FIBCD1: variants seen among roughly 807,000 people sequenced by gnomAD.
FIBCD1 encodes the protein fibrinogen C domain containing 1, also known as fibrinogen C domain-containing protein 1.
In FIBCD1, 47 loss-of-function variants were observed where a neutral mutation model predicts 45.1. The observed-to-expected ratio is 1.04, with a 90% confidence interval of 0.82 to 1.33. FIBCD1 has a LOEUF of 1.33. Among genes scored for constraint, FIBCD1 ranks in the 40% most tolerant of loss-of-function variants. The pLI, the probability that FIBCD1 is intolerant of heterozygous loss-of-function variation, is 0.00. For synonymous variants in FIBCD1, 313 were observed against 308.1 expected, an observed-to-expected ratio of 1.02 and a Z score of -0.17; for missense variants, 653 against 682.2, an observed-to-expected ratio of 0.96 and a Z score of 0.48.
rs375155907 is a variant in FIBCD1, at chr9:130,911,906, G to T, written c.850-18C>A. The T allele has an allele frequency of 2.6e-6, 4 of 1,558,156 alleles. No homozygotes were observed. The highest frequency in any genetic ancestry group is 3.5e-6 in the Non-Finnish European group (4 of 1,151,870). ...TGAAACACCTGCAAAGGGAAGATGGGGATGGGGCGTTGGCACCGACCATCC... is the reference window on the plus strand; with the variant it reads ...TGAAACACCTGCAAAGGGAAGATGGTGATGGGGCGTTGGCACCGACCATCC... On this transcript the variant is annotated intron_variant, in intron 4 of 6. Coordinates refer to ENST00000372338, the MANE Select transcript of FIBCD1 (RefSeq NM_032843.5).
intron 1 of FIBCD1, 74 bp from the exon 2 acceptor site, chr9:130,930,120 C>T (rs879779267): frequency 2.1e-6 from 3 of 1,449,050 alleles, no homozygotes; most frequent in South Asian, 1.5e-5. Flanking sequence ...TAGAGGCATA[C>T]CTGGGGTCAG....
intron 1 of FIBCD1, 128 bp downstream of exon 1, chr9:130,938,408 C>T (rs895444669): frequency 2.2e-4 from 163 of 754,716 alleles, no homozygotes; most frequent in Non-Finnish European, 2.3e-4. Flanking sequence ...CATCCCGGCC[C>T]GGGCCTCCGG....
intron 1 of FIBCD1, 25 bp downstream of exon 1, chr9:130,938,511 C>T (rs1361816054): frequency 2.7e-6 from 4 of 1,479,288 alleles, no homozygotes; most frequent in Admixed American, 4.6e-5. Context: ...CCGCCCAGGC[C>T]CCGTGTCCCA....
At chr9:130,909,891 C>A (rs916586077) in intron 5 of FIBCD1, among the ~76,000 whole-genome samples, 1 of 152,246 alleles carries the variant, frequency 6.6e-6, no homozygotes, top group East Asian at 1.9e-4. Context: ...GTCCCAGTGG[C>A]AGGAAGGCGT....
chr9:130,918,540 C>T (rs927259194), intron 4 of FIBCD1, among the ~76,000 whole-genome samples: 46 of 152,224 alleles, frequency 3.0e-4, no homozygotes, highest in Non-Finnish European at 7.3e-5. Context: ...CCTCTCCCAG[C>T]CTCCCGGGCT....
Position 130,903,900 on chromosome 9 carries a change from A to T in FIBCD1, c.*164T>A. Reference sequence around the variant, plus strand: ...GGGGACGGCGAGAAGGCGATGTGTGACTTCACCGGCCCAGGGAGCTTCGTG... The same window carrying T: ...GGGGACGGCGAGAAGGCGATGTGTGTCTTCACCGGCCCAGGGAGCTTCGTG... On this transcript the variant is annotated 3_prime_UTR_variant, in exon 7 of 7. Coordinates refer to ENST00000372338, the MANE Select transcript of FIBCD1 (RefSeq NM_032843.5). The T allele has an allele frequency of 1.1e-6, 1 of 880,162 alleles. No homozygotes were observed. The highest frequency in any genetic ancestry group is 1.8e-6 in the Non-Finnish European group (1 of 542,482). The allele number at this position is 880,162 out of a possible 1,614,324, so 54.5% of individuals were successfully genotyped here.
At position 130,938,555 on chromosome 9, in the gene FIBCD1, C is replaced by G; in HGVS notation, c.53G>C (p.Arg18Pro). Reference sequence around the variant, plus strand: ...GCGTACCTGCGGCTTGTCGCGCGGCCGGTCCTCAAGTTGGGCAGCGCCGCC... The same window carrying G: ...GCGTACCTGCGGCTTGTCGCGCGGCGGGTCCTCAAGTTGGGCAGCGCCGCC... ...TMGGAAQLED[R>P]PRDKPQRPSC... is the part of the protein sequence containing the mutation. Residue 18 changes from arginine (R) to proline (P), a missense_variant, in exon 1 of 7, where the codon CGG (arginine) becomes CCG (proline). Physicochemically the swap from Arg to Pro is moderately radical, Grantham distance 103. Transcript: ENST00000372338. 1 of 1,490,622 alleles carries G rather than the reference C, an allele frequency of 6.7e-7. No individual in the cohort carries two copies. Among genetic ancestry groups the G allele is most frequent in the South Asian group, 1.3e-5 (1 of 79,380 alleles). The allele number at this position is 1,490,622 out of a possible 1,614,324, so 92.3% of individuals were successfully genotyped here.
rs766826179 is a variant in FIBCD1 at position 130,926,984 on chromosome 9, T to C, written c.552+2583A>G. ...AGGGATTTTCGGCCCAACACAGTAA[T>C]CTTAGCACGTGGGGAGGCCGAGGTG... On this transcript the variant is annotated intron_variant, in intron 2 of 6. Coordinates refer to ENST00000372338, the MANE Select transcript of FIBCD1 (RefSeq NM_032843.5). The surrounding 1 kb of genome is among the most constrained non-coding windows in gnomAD (Gnocchi z 4.1). Among the ~76,000 whole-genome samples, 5 of 151,940 alleles carry C rather than the reference T, an allele frequency of 3.3e-5. No homozygotes were observed. The highest frequency in any genetic ancestry group is 7.4e-5 in the Non-Finnish European group (5 of 67,996).
At chr9:130,924,998 G>T (rs900884652) in intron 2 of FIBCD1, among the ~76,000 whole-genome samples, 1 of 152,174 alleles carries the variant, frequency 6.6e-6, no homozygotes, top group Non-Finnish European at 1.5e-5. Context: ...TTCCGATCCC[G>T]AGCAAGGCTG....
chr9:130,919,768 G>A (rs1000756267), intron 4 of FIBCD1, among the ~76,000 whole-genome samples: 2 of 152,224 alleles, frequency 1.3e-5, no homozygotes, highest in African/African-American at 2.4e-5. Flanking sequence ...GTTGGGGGAC[G>A]TTGGCTGTGC....
chr9:130,914,408 G>A (rs1394411799), intron 4 of FIBCD1, among the ~76,000 whole-genome samples: 1 of 152,262 alleles, frequency 6.6e-6, no homozygotes, highest in East Asian at 1.9e-4. Flanking sequence ...CGTGCAAGAG[G>A]CAGGACAGAC....
intron 6 of FIBCD1, 33 bp from the exon 7 acceptor site, chr9:130,904,356 G>A (rs1200636857): frequency 1.3e-6 from 2 of 1,571,404 alleles, no homozygotes; most frequent in Non-Finnish European, 8.6e-7. Flanking sequence ...GTGGGCACGG[G>A]GGGCACGGGT....
chr9:130,909,771 AAG>A (rs955298297), intron 5 of FIBCD1, among the ~76,000 whole-genome samples: 5 of 150,556 alleles, frequency 3.3e-5, no homozygotes, highest in Admixed American at 2.0e-4. Context: ...AAAAAAAAAA[AAG>A]AAATGTTAAG....
At chr9:130,931,629 C>T (rs906477086) in intron 1 of FIBCD1, among the ~76,000 whole-genome samples, 7 of 152,244 alleles carry the variant, frequency 4.6e-5, no homozygotes, top group African/African-American at 1.4e-4. Flanking sequence ...GGTGCCAGAG[C>T]GTGGCCGCAC....
At chr9:130,927,003 C>T (rs1055119898) in intron 2 of FIBCD1, among the ~76,000 whole-genome samples, 3 of 151,792 alleles carry the variant, frequency 2.0e-5, no homozygotes, top group African/African-American at 7.3e-5. Context: ...GTGGGGAGGC[C>T]GAGGTGGGTG....
intron 4 of FIBCD1, among the ~76,000 whole-genome samples, chr9:130,915,481 TCTC>T (rs1832142265): frequency 6.6e-6 from 1 of 152,116 alleles, no homozygotes; most frequent in African/African-American, 2.4e-5. Context: ...GGCAGGCAGA[TCTC>T]CTGAGGTCAG....
chr9:130,927,945 C>A (rs1832384987), intron 2 of FIBCD1, among the ~76,000 whole-genome samples: 1 of 152,234 alleles, frequency 6.6e-6, no homozygotes, highest in Admixed American at 6.5e-5. Flanking sequence ...ACAGCATGAG[C>A]CACTGCACCT....
At chr9:130,911,154 A>C (rs529773358) in intron 5 of FIBCD1, among the ~76,000 whole-genome samples, 4 of 152,294 alleles carry the variant, frequency 2.6e-5, no homozygotes, top group African/African-American at 9.6e-5. Flanking sequence ...TATGAGCTGC[A>C]ACACTCACCG....
At chr9:130,915,725 C>T (rs1158860131) in intron 4 of FIBCD1, among the ~76,000 whole-genome samples, 1 of 152,128 alleles carries the variant, frequency 6.6e-6, no homozygotes, top group East Asian at 1.9e-4. Flanking sequence ...AAATAAACTG[C>T]AGCAACTGTC....
Sources: allele counts gnomAD v4.1 joint callset (sites outside exome capture counted in the v4.1 genomes callset), GRCh38; gene constraint gnomAD v4.1.1; non-coding constraint Gnocchi (gnomAD v3.1); transcripts MANE v1.5; gene names NCBI Gene and HGNC (gene_info 2026-07-23, HGNC 2026-07-21).